The following SCN8A variants were observed in gnomAD, a reference collection of about 807,000 sequenced individuals.
SCN8A encodes sodium voltage-gated channel alpha subunit 8, also known as sodium channel protein type 8 subunit alpha.
SCN8A carries 30 observed loss-of-function variants against 184.1 expected under a neutral mutation model. The observed-to-expected ratio is 0.16, with a 90% confidence interval of 0.12 to 0.22. The LOEUF is 0.22. SCN8A is among the 10% of genes least tolerant of loss of function. The probability of loss-of-function intolerance (pLI) is 1.00; values close to 1 mark genes in which losing one functional copy is unlikely to be tolerated. For synonymous variants in SCN8A, 852 were observed against 907.0 expected (o/e 0.94, Z 1.09); for missense variants, 1,057 against 2,498.9 (o/e 0.42, Z 12.30).
chr12:51,636,161 AT>A (rs1042664422), intron 1 of SCN8A, among the ~76,000 whole-genome samples: 7 of 151,840 alleles, frequency 4.6e-5, no homozygotes, highest in African/African-American at 1.7e-4. Context: ...CGCCTGGCTA[AT>A]TTTTTTTCTA....
chr12:51,746,002 A>G lies in SCN8A; in HGVS notation c.2098A>G (p.Ile700Val), dbSNP rs187153231. The G allele has an allele frequency of 3.7e-6, 6 of 1,611,586 alleles. No individual in the cohort carries two copies. The highest frequency in any genetic ancestry group is 5.1e-6 in the Non-Finnish European group (6 of 1,178,812). ...SYGRKDRINS[I>V]MSVVTNTLVE... is the part of the protein sequence containing the mutation. Reference sequence around the variant, plus strand: ...CGGGCGGAAGGACAGAATCAACAGTATAATGAGTGTTGTTACAAATACACT... The same window carrying G: ...CGGGCGGAAGGACAGAATCAACAGTGTAATGAGTGTTGTTACAAATACACT... The change falls in exon 13 of 27, where the codon ATA becomes GTA. Residue 700 changes from isoleucine to valine, a missense_variant. Ile to Val is a conservative substitution (Grantham distance 29). This residue lies in a region of SCN8A where 322 missense variants were observed against 390.1 expected (regional missense o/e 0.83). Transcript: ENST00000627620.
At chr12:51,652,061 C>T (rs1940725748) in intron 1 of SCN8A, among the ~76,000 whole-genome samples, 2 of 152,082 alleles carry the variant, frequency 1.3e-5, no homozygotes, top group Admixed American at 1.3e-4. Flanking sequence ...GCTTCAGAAG[C>T]ACATATCCTT....
chr12:51,707,249 G>T (rs1756634793), intron 11 of SCN8A, among the ~76,000 whole-genome samples: 1 of 151,866 alleles, frequency 6.6e-6, no homozygotes, highest in African/African-American at 2.4e-5. Flanking sequence ...AATTGCTGGT[G>T]TATTATTCAG....
intron 2 of SCN8A, among the ~76,000 whole-genome samples, chr12:51,665,812 C>G (rs1309415170): frequency 1.3e-5 from 2 of 152,120 alleles, no homozygotes; most frequent in African/African-American, 4.8e-5. Flanking sequence ...GCCTGTAATC[C>G]CAGCACTTTG....
At chr12:51,641,522 T>C (rs1361648717) in intron 1 of SCN8A, among the ~76,000 whole-genome samples, 2 of 152,250 alleles carry the variant, frequency 1.3e-5, no homozygotes, top group Non-Finnish European at 2.9e-5. Flanking sequence ...GCAAGTTACT[T>C]AACCTTTGTG....
chr12:51,715,950 T>C (rs1592400831), intron 11 of SCN8A, among the ~76,000 whole-genome samples: 1 of 152,298 alleles, frequency 6.6e-6, no homozygotes, highest in South Asian at 2.1e-4. Flanking sequence ...CTCTGGGAGA[T>C]ATAAGGATGA....
At chr12:51,778,181 C>G (rs1418902220) in intron 20 of SCN8A, among the ~76,000 whole-genome samples, 2 of 152,166 alleles carry the variant, frequency 1.3e-5, no homozygotes, top group Non-Finnish European at 2.9e-5. Context: ...ACATTTACTT[C>G]CGGATTTGCT....
chr12:51,668,914 A>C (rs1028741968), intron 2 of SCN8A, among the ~76,000 whole-genome samples: 7 of 152,210 alleles, frequency 4.6e-5, no homozygotes, highest in African/African-American at 1.7e-4. Context: ...AGGCCATTTC[A>C]TCCTTGTTTG....
At chr12:51,683,045 C>G (rs1004311984) in intron 2 of SCN8A, among the ~76,000 whole-genome samples, 4 of 152,148 alleles carry the variant, frequency 2.6e-5, no homozygotes, top group African/African-American at 9.7e-5. Context: ...CCTTTGTGAA[C>G]TTCCCAGCTC....
chr12:51,627,883 C>G (rs1462503126), intron 1 of SCN8A, among the ~76,000 whole-genome samples: 1 of 152,174 alleles, frequency 6.6e-6, no homozygotes, highest in Non-Finnish European at 1.5e-5. Context: ...TTTTCTGTCT[C>G]CTAGAGTGCA....
intron 6 of SCN8A, among the ~76,000 whole-genome samples, chr12:51,699,014 C>T (rs1941639603): frequency 6.6e-6 from 1 of 152,098 alleles, no homozygotes; most frequent in African/African-American, 2.4e-5. Context: ...CAGCTGTGAA[C>T]AAGGTAGATA....
chr12:51,711,903 T>C (rs963700328), intron 11 of SCN8A, among the ~76,000 whole-genome samples: 4 of 152,156 alleles, frequency 2.6e-5, no homozygotes, highest in Non-Finnish European at 5.9e-5. Flanking sequence ...GAGAATAGAT[T>C]CCCCTTAAAC....
rs765400338 is a variant in SCN8A at position 51,662,795 on chromosome 12, C to T, written c.-23C>T. 16 of 1,610,778 alleles carry T rather than the reference C, an allele frequency of 9.9e-6. No homozygotes were observed. Among genetic ancestry groups the T allele is most frequent in the South Asian group, 5.5e-5 (5 of 90,872 alleles). On this transcript the variant is annotated 5_prime_UTR_variant, in exon 2 of 27. In the 5' UTR this introduces an upstream ATG that the reference lacks. Coordinates refer to ENST00000627620, the MANE Select transcript of SCN8A (RefSeq NM_001330260.2). ...CCTGTCCTGGACGCAGCATAACTAA[C>T]GAAGCTGCTGCAGGATGAGAAGATG...
At chr12:51,746,511 C>T (rs1942514047) in intron 13 of SCN8A, among the ~76,000 whole-genome samples, 1 of 152,196 alleles carries the variant, frequency 6.6e-6, no homozygotes, top group African/African-American at 2.4e-5. Flanking sequence ...GTTTTGATTG[C>T]ACCTAGTTCT....
At chr12:51,693,971 C>T (rs1941552782) in intron 6 of SCN8A, among the ~76,000 whole-genome samples, 2 of 152,212 alleles carry the variant, frequency 1.3e-5, no homozygotes, top group African/African-American at 2.4e-5. Context: ...TCGCTGTTGT[C>T]ACGCAGGCTG....
intron 11 of SCN8A, 91 bp from the exon 12 acceptor site, chr12:51,721,455 G>A (rs910640493): frequency 2.2e-6 from 3 of 1,374,426 alleles, no homozygotes; most frequent in Non-Finnish European, 2.9e-6. Flanking sequence ...GGGTGGGGCC[G>A]GCTGGGAACC....
At chr12:51,794,255 C>T (rs149078381) in intron 25 of SCN8A, 116 bp from the exon 26 acceptor site, 1 of 935,452 alleles carries the variant, frequency 1.1e-6, no homozygotes, top group Non-Finnish European at 1.6e-6. Context: ...GCAGAGCTGA[C>T]CAGTATTACA....
Position 51,790,487 on chromosome 12 carries a change from T to C in SCN8A, c.4509T>C (p.Pro1503=), listed in dbSNP as rs303815. Residue 1503 remains proline (P), a synonymous_variant, in exon 25 of 27, where the codon CCT becomes CCC. Transcript: ENST00000627620. ...KKLGSKKPQK[P]IPRPLNKIQG... The stretch of plus-strand genomic sequence containing the variant: ...TGGGCTCAAAGAAGCCACAGAAACC[T>C]ATTCCCCGCCCCTTGGTAAGTGCAT... 0.7 allele frequency: 1,127,846 copies of C among 1,605,698 alleles called. 409,333 individuals carry two copies. Among genetic ancestry groups the C allele is most frequent in the Non-Finnish European group, 0.75 (887,223 of 1,175,224 alleles).
At chr12:51,771,621 G>T (rs1203853926) in intron 19 of SCN8A, among the ~76,000 whole-genome samples, 2 of 152,192 alleles carry the variant, frequency 1.3e-5, no homozygotes, top group Non-Finnish European at 1.5e-5. Flanking sequence ...TGGGAAGTAA[G>T]GGGAAGGTTT....
Sources: allele counts gnomAD v4.1 joint callset (sites outside exome capture counted in the v4.1 genomes callset), GRCh38; gene constraint gnomAD v4.1.1; regional missense constraint gnomAD v4.1.1; transcripts MANE v1.5; gene names NCBI Gene and HGNC (gene_info 2026-07-23, HGNC 2026-07-21).